The following ARSB variants were observed in gnomAD, a reference collection of about 807,000 sequenced individuals.
ARSB encodes N-acetylgalactosamine-4-sulfatase.
A neutral mutation model predicts 50.9 loss-of-function variants in ARSB; 41 were observed. The observed-to-expected ratio is 0.81, with a 90% CI of 0.63 to 1.04. The LOEUF is 1.04. Ranked by LOEUF, ARSB falls within the 50% of genes least tolerant of loss-of-function variation. ARSB has a pLI of 0.00. For synonymous variants in ARSB, 269 were observed against 284.8 expected, an observed-to-expected ratio of 0.94 and a Z score of 0.56; for missense variants, 672 against 693.3, an observed-to-expected ratio of 0.97 and a Z score of 0.35.
rs558453270 is a variant in ARSB at position 78,848,985 on chromosome 5, A to G, written c.1143-9559T>C. Among the ~76,000 whole-genome samples, 57 of 152,262 alleles carry G rather than the reference A, an allele frequency of 3.7e-4. 1 individual carries two copies. Among genetic ancestry groups the G allele is most frequent in the African/African-American group, 1.3e-3 (52 of 41,548 alleles). ...TATTAGCCCTTTGTCAGATGAGTAG[A>G]TTGCAAAAATTTTCTCCCATTCTGA... On this transcript the variant is annotated intron_variant, in intron 5 of 7. Coordinates refer to ENST00000264914, the MANE Select transcript of ARSB (RefSeq NM_000046.5).
chr5:78,878,563 G>GT (rs35719104), intron 5 of ARSB, among the ~76,000 whole-genome samples: 108,447 of 147,338 alleles, frequency 0.74, 40,807 homozygotes, highest in East Asian at 0.9. Flanking sequence ...CATTTTATGT[G>GT]TTTTTTTTTT....
chr5:78,835,516 T>C (rs1744911869), intron 6 of ARSB, among the ~76,000 whole-genome samples: 1 of 152,110 alleles, frequency 6.6e-6, no homozygotes, highest in Non-Finnish European at 1.5e-5. Context: ...ATCGATACGG[T>C]GATGTTTCGG....
chr5:78,922,238 A>T (rs1019588423), intron 4 of ARSB, among the ~76,000 whole-genome samples: 1 of 151,698 alleles, frequency 6.6e-6, no homozygotes, highest in African/African-American at 2.4e-5. Context: ...CTACTGAGAC[A>T]CCAGCTAGGA....
intron 6 of ARSB, among the ~76,000 whole-genome samples, chr5:78,834,595 GTATATATATGTGTATATATATATATATA>G (rs1274849414): frequency 1.2e-5 from 1 of 80,080 alleles, no homozygotes; most frequent in African/African-American, 4.4e-5. Context: ...CTATTTCATG[GTATATATATGTGTATATATATATATATA>G]TATATATATA....
intron 5 of ARSB, among the ~76,000 whole-genome samples, chr5:78,851,063 G>A (rs1745749218): frequency 1.3e-5 from 2 of 152,114 alleles, no homozygotes; most frequent in South Asian, 2.1e-4. Context: ...ATCTCCTTCA[G>A]TTCTGCTCTG....
chr5:78,901,096 A>G (rs1031028768), intron 4 of ARSB, among the ~76,000 whole-genome samples: 8 of 150,882 alleles, frequency 5.3e-5, no homozygotes, highest in African/African-American at 1.7e-4. Context: ...TCCTTTTCAT[A>G]TCATATTACC....
intron 4 of ARSB, among the ~76,000 whole-genome samples, chr5:78,893,334 T>C (rs1748405435): frequency 6.6e-6 from 1 of 152,210 alleles, no homozygotes; most frequent in Non-Finnish European, 1.5e-5. Context: ...TACACGGATG[T>C]AGCCACCAAA....
chr5:78,819,345 CA>C (rs1460003004), intron 6 of ARSB, among the ~76,000 whole-genome samples: 1 of 152,240 alleles, frequency 6.6e-6, no homozygotes, highest in African/African-American at 2.4e-5. Flanking sequence ...AGACCAAGTG[CA>C]TTCCCTGTAT....
At position 78,926,187 on chromosome 5, in the gene ARSB, A is replaced by AT. The variant is rs1160167778; in HGVS notation, c.898+29107dup. Among the ~76,000 whole-genome samples the AT allele has an allele frequency of 2.6e-5, 4 of 152,104 alleles. No individual in the cohort carries two copies. In the East Asian group the frequency reaches 7.7e-4, roughly 29 times the overall value. On this transcript the variant is annotated intron_variant, in intron 4 of 7. Transcript: ENST00000264914. ...TAACTTTTCTTCCGGCCATAATCCT[A>AT]TTTTTTATATGTTGTAATAATTTCT...
In ARSB at chr5:78,816,039, A is replaced by G. The variant is rs745616891; in HGVS notation, c.1213+23317T>C. 11 of 1,613,336 alleles carry G rather than the reference A, an allele frequency of 6.8e-6. 1 individual carries two copies. The highest frequency in any genetic ancestry group is 9.3e-6 in the Non-Finnish European group (11 of 1,179,724). On this transcript the variant is annotated intron_variant, in intron 6 of 7. Transcript: ENST00000264914. ...CTTTCAGAACCTTGGGTCTGAAGTCATTTCTTATGCCCTGGGTTATCATCT... is the reference window on the plus strand; with the variant it reads ...CTTTCAGAACCTTGGGTCTGAAGTCGTTTCTTATGCCCTGGGTTATCATCT...
chr5:78,984,209 A>G (rs961771150), intron 1 of ARSB, among the ~76,000 whole-genome samples: 5 of 152,240 alleles, frequency 3.3e-5, no homozygotes, highest in African/African-American at 1.2e-4. Context: ...TGTTTCAATA[A>G]TTCACTTTAA....
intron 6 of ARSB, among the ~76,000 whole-genome samples, chr5:78,787,984 T>C (rs1749136669): frequency 6.6e-6 from 1 of 150,794 alleles, no homozygotes. Context: ...GCAAACGGAG[T>C]AGAGAGGAAA....
chr5:78,829,764 AT>A (rs1461574778), intron 6 of ARSB, among the ~76,000 whole-genome samples: 12 of 152,244 alleles, frequency 7.9e-5, no homozygotes, highest in African/African-American at 2.9e-4. Flanking sequence ...ATCAATAAAT[AT>A]TTACAAAATA....
intron 4 of ARSB, among the ~76,000 whole-genome samples, chr5:78,891,875 C>G (rs78082035): frequency 2.3e-3 from 346 of 152,282 alleles, no homozygotes; most frequent in African/African-American, 7.9e-3. Flanking sequence ...TGACCATCAT[C>G]ACTTTCCCCT....
At chr5:78,808,814 G>A (rs1383758099) in intron 6 of ARSB, among the ~76,000 whole-genome samples, 1 of 152,190 alleles carries the variant, frequency 6.6e-6, no homozygotes, top group Non-Finnish European at 1.5e-5. Flanking sequence ...GATGCTGGAG[G>A]GACACAGGAT....
intron 4 of ARSB, among the ~76,000 whole-genome samples, chr5:78,917,749 G>C (rs1381432708): frequency 6.6e-6 from 1 of 152,136 alleles, no homozygotes; most frequent in Non-Finnish European, 1.5e-5. Context: ...CTAACCTCAA[G>C]TGATCCACCC....
At chr5:78,791,920 C>T (rs1219908039) in intron 6 of ARSB, among the ~76,000 whole-genome samples, 3 of 152,070 alleles carry the variant, frequency 2.0e-5, no homozygotes, top group Admixed American at 2.0e-4. Context: ...CAGTGGTATG[C>T]CGTATGCCAG....
chr5:78,849,781 C>T (rs1331483206), intron 5 of ARSB, among the ~76,000 whole-genome samples: 2 of 146,112 alleles, frequency 1.4e-5, no homozygotes, highest in African/African-American at 4.9e-5. Flanking sequence ...CTTCACATCC[C>T]TTGTAAGTTG....
At chr5:78,868,175 T>A (rs1374401454) in intron 5 of ARSB, among the ~76,000 whole-genome samples, 1 of 140,558 alleles carries the variant, frequency 7.1e-6, no homozygotes, top group Non-Finnish European at 1.5e-5. Flanking sequence ...AAAGACCAAA[T>A]CTACGTCTGA....
Sources: allele counts gnomAD v4.1 joint callset (sites outside exome capture counted in the v4.1 genomes callset), GRCh38; gene constraint gnomAD v4.1.1; transcripts MANE v1.5; gene names NCBI Gene and HGNC (gene_info 2026-07-23, HGNC 2026-07-21).